PISD: variants seen among roughly 807,000 people sequenced by gnomAD.
PISD encodes phosphatidylserine decarboxylase, also known as phosphatidylserine decarboxylase proenzyme, mitochondrial.
In PISD, 31 loss-of-function variants were observed where a neutral mutation model predicts 43.5. The observed-to-expected ratio is 0.71, with a 90% confidence interval of 0.54 to 0.96. The LOEUF (loss-of-function observed/expected upper bound fraction) is 0.96, where lower values mean the gene tolerates loss of function less well. Among genes scored for constraint, PISD ranks in the 40% least tolerant of loss-of-function variants. The pLI, the probability that PISD is intolerant of heterozygous loss-of-function variation, is 0.00. For missense variants in PISD, 523 were observed against 548.4 expected, an observed-to-expected ratio of 0.95 and a Z score of 0.46; for synonymous variants, 259 against 228.7, an observed-to-expected ratio of 1.13 and a Z score of -1.20.
At chr22:31,631,001 G>A (rs1342875376) in intron 3 of PISD, 3 of 346,032 alleles carry the variant, frequency 8.7e-6, no homozygotes, top group Middle Eastern at 1.4e-3. Context: ...CCCAACCCGA[G>A]GGCCCCTTTA....
intron 1 of PISD, among the ~76,000 whole-genome samples, chr22:31,658,675 AAGTAGCTGGGACCAC>A (rs2147821085): frequency 6.6e-6 from 1 of 151,652 alleles, no homozygotes; most frequent in South Asian, 2.1e-4. Context: ...TTAGCTTCCC[AAGTAGCTGGGACCAC>A]AGATGTGCAC....
At chr22:31,661,322 A>T (rs2074311079) in intron 1 of PISD, among the ~76,000 whole-genome samples, 1 of 152,200 alleles carries the variant, frequency 6.6e-6, no homozygotes. Flanking sequence ...TAGGAAACAC[A>T]CAAGTATGGC....
At chr22:31,639,305 A>G (rs1034904183) in intron 3 of PISD, among the ~76,000 whole-genome samples, 13 of 151,766 alleles carry the variant, frequency 8.6e-5, no homozygotes, top group Non-Finnish European at 1.5e-5. Context: ...CAAATTAGCT[A>G]GGATTACAGG....
intron 3 of PISD, among the ~76,000 whole-genome samples, chr22:31,641,550 C>G (rs2073727197): frequency 1.3e-5 from 2 of 152,052 alleles, no homozygotes; most frequent in African/African-American, 4.8e-5. Flanking sequence ...GGTGCGGTGG[C>G]TCACACCTGT....
chr22:31,641,707 C>G (rs1237876250), intron 3 of PISD, among the ~76,000 whole-genome samples: 6 of 151,022 alleles, frequency 4.0e-5, no homozygotes, highest in Admixed American at 1.3e-4. Context: ...GTAATCCCAG[C>G]TACTCGGGAG....
intron 3 of PISD, among the ~76,000 whole-genome samples, chr22:31,623,448 G>C (rs554344638): frequency 6.6e-6 from 1 of 152,236 alleles, no homozygotes; most frequent in African/African-American, 2.4e-5. Context: ...CATGAGGCAG[G>C]CTAGGGGAGT....
At chr22:31,652,193 C>G (rs977702752) in intron 1 of PISD, among the ~76,000 whole-genome samples, 1 of 151,858 alleles carries the variant, frequency 6.6e-6, no homozygotes, top group African/African-American at 2.4e-5. Flanking sequence ...CAGGCTGGAG[C>G]GGATTTTGGC....
intron 3 of PISD, among the ~76,000 whole-genome samples, chr22:31,637,118 CA>C (rs1304824916): frequency 2.4e-5 from 2 of 84,646 alleles, no homozygotes; most frequent in African/African-American, 4.6e-5. Flanking sequence ...CAAAACTCTA[CA>C]AAAAAAAATA....
intron 3 of PISD, chr22:31,638,329 C>T: frequency 1.0e-6 from 1 of 981,732 alleles, no homozygotes; most frequent in South Asian, 4.7e-5. Flanking sequence ...TGGACGGCCA[C>T]CCCTGCTGTC....
intron 1 of PISD, among the ~76,000 whole-genome samples, chr22:31,653,050 A>AC (rs1346612202): frequency 6.6e-6 from 1 of 151,458 alleles, no homozygotes; most frequent in Non-Finnish European, 1.5e-5. Flanking sequence ...AAAAAAAAAA[A>AC]AAAAAAAAAC....
chr22:31,641,926 G>A (rs2073742512), intron 3 of PISD, among the ~76,000 whole-genome samples: 1 of 151,176 alleles, frequency 6.6e-6, no homozygotes, highest in African/African-American at 2.5e-5. Flanking sequence ...GGATAAGGGG[G>A]AAACACTCCG....
chr22:31,626,012 C>G, intron 3 of PISD: 1 of 1,441,518 alleles, frequency 6.9e-7, no homozygotes, highest in Middle Eastern at 2.1e-4. Context: ...AATAGAGGGT[C>G]AGGGCTATTG....
intron 3 of PISD, chr22:31,626,083 G>A (rs973822225): frequency 2.2e-6 from 3 of 1,385,978 alleles, no homozygotes; most frequent in Non-Finnish European, 2.8e-6. Context: ...TTGCAGTCCA[G>A]TGCAAAAGCC....
At chr22:31,624,810 C>G (rs1174046077) in intron 3 of PISD, among the ~76,000 whole-genome samples, 1 of 152,038 alleles carries the variant, frequency 6.6e-6, no homozygotes, top group East Asian at 1.9e-4. Context: ...CGGCCTCTCC[C>G]CACCCTCCCA....
At chr22:31,661,955 A>T (rs1485123381) in intron 1 of PISD, among the ~76,000 whole-genome samples, 189 bp downstream of exon 1, 1 of 152,142 alleles carries the variant, frequency 6.6e-6, no homozygotes, top group East Asian at 1.9e-4. Flanking sequence ...TCTAGGCCAC[A>T]CCCTAAGTAA....
At chr22:31,662,377 G>T, upstream of PISD, 1 of 653,798 alleles carries the variant, frequency 1.5e-6, no homozygotes, top group Non-Finnish European at 2.7e-6. Context: ...TGGCACCTGC[G>T]GAGGTAGGGG....
chr22:31,645,636 C>T (rs2073863464), intron 3 of PISD, among the ~76,000 whole-genome samples: 1 of 147,752 alleles, frequency 6.8e-6, no homozygotes, highest in South Asian at 2.1e-4. Context: ...CCTCAGCCTC[C>T]CAAAGTGCTG....
chr22:31,650,809 A>G (rs979371954), intron 1 of PISD, 31 bp from the exon 2 acceptor site: 8 of 1,352,654 alleles, frequency 5.9e-6, no homozygotes, highest in Non-Finnish European at 8.2e-6. Flanking sequence ...ACCATTAAAT[A>G]TTATTCTTAA....
At chr22:31,624,129 G>C (rs1028992373) in intron 3 of PISD, among the ~76,000 whole-genome samples, 1 of 152,146 alleles carries the variant, frequency 6.6e-6, no homozygotes, top group Non-Finnish European at 1.5e-5. Context: ...GGGGGCAGCC[G>C]CAAGAGGAGA....
Sources: gnomAD v4.1 joint callset for allele counts (sites outside exome capture counted in the v4.1 genomes callset) on GRCh38, gnomAD v4.1.1 for gene constraint, MANE v1.5 for transcripts, NCBI Gene and HGNC (gene_info 2026-07-23, HGNC 2026-07-21) for gene names.